The following MAPRE1 variants were observed in gnomAD, a reference collection of about 807,000 sequenced individuals.
The protein encoded by MAPRE1 is microtubule-associated protein RP/EB family member 1.
A neutral mutation model predicts 32.1 loss-of-function variants in MAPRE1; 5 were observed. The ratio of observed to expected loss-of-function variants is 0.16; its 90% CI spans 0.08 to 0.33. The LOEUF (loss-of-function observed/expected upper bound fraction) is 0.33. Ranked by LOEUF, MAPRE1 falls within the 10% of genes least tolerant of loss-of-function variation. The probability of loss-of-function intolerance (pLI) is 1.00; values close to 1 mark genes in which losing one functional copy is unlikely to be tolerated. For synonymous variants in MAPRE1, 122 were observed against 118.9 expected (o/e 1.03, Z -0.17); for missense variants, 209 against 327.2 (o/e 0.64, Z 2.79).
intron 2 of MAPRE1, among the ~76,000 whole-genome samples, chr20:32,831,255 G>A (rs546998811): frequency 3.9e-4 from 59 of 152,158 alleles, no homozygotes; most frequent in Non-Finnish European, 4.7e-4. Context: ...ATCAGCCTGG[G>A]CAACATGACA....
intron 1 of MAPRE1, among the ~76,000 whole-genome samples, chr20:32,821,804 G>A (rs2146118780): frequency 6.6e-6 from 1 of 152,276 alleles, no homozygotes; most frequent in East Asian, 1.9e-4. Flanking sequence ...TTGGGATCTT[G>A]CTAGGAGAGC....
intron 5 of MAPRE1, among the ~76,000 whole-genome samples, chr20:32,844,469 T>TTTTTC (rs1983450131): frequency 7.1e-6 from 1 of 139,946 alleles, no homozygotes; most frequent in Non-Finnish European, 1.5e-5. Flanking sequence ...TTTTTTTTTT[T>TTTTTC]TGTGGCGTGA....
At chr20:32,820,274 G>C (rs1272737398) in intron 1 of MAPRE1, among the ~76,000 whole-genome samples, 1 of 152,020 alleles carries the variant, frequency 6.6e-6, no homozygotes, top group Admixed American at 6.5e-5. Flanking sequence ...ACGCGGGGTG[G>C]GGGTTTCTGG....
At chr20:32,845,572 TCTC>T (rs1183568086) in intron 5 of MAPRE1, among the ~76,000 whole-genome samples, 1 of 152,172 alleles carries the variant, frequency 6.6e-6, no homozygotes, top group Non-Finnish European at 1.5e-5. Flanking sequence ...TGAGACTTGA[TCTC>T]CTCTGTTGTG....
At chr20:32,843,373 C>A (rs1371964148) in intron 5 of MAPRE1, 2 of 152,122 alleles carry the variant, frequency 1.3e-5, no homozygotes, top group Non-Finnish European at 2.9e-5. Flanking sequence ...CTTGGGAGAT[C>A]TGCAAAGATT....
intron 6 of MAPRE1, among the ~76,000 whole-genome samples, chr20:32,847,544 G>A (rs992885521): frequency 2.6e-5 from 4 of 152,090 alleles, no homozygotes; most frequent in East Asian, 1.9e-4. Context: ...GAATTTCAGG[G>A]GATTAAGACA....
chr20:32,841,694 A>G (rs1983368833), intron 5 of MAPRE1, among the ~76,000 whole-genome samples: 1 of 135,350 alleles, frequency 7.4e-6, no homozygotes, highest in Non-Finnish European at 1.5e-5. Flanking sequence ...CTCAGCTCTT[A>G]TCCTGGGTGA....
chr20:32,848,007 C>T (rs1293263588), intron 6 of MAPRE1, among the ~76,000 whole-genome samples: 1 of 151,810 alleles, frequency 6.6e-6, no homozygotes, highest in East Asian at 1.9e-4. Flanking sequence ...TGTTAGAGTA[C>T]TGAACTTTAC....
rs767624644 is a variant in MAPRE1, at chr20:32,839,722, C to T, written c.476-13C>T. 6 of 1,612,942 alleles carry T rather than the reference C, an allele frequency of 3.7e-6. No individual in the cohort carries two copies. Among genetic ancestry groups the T allele is most frequent in the Non-Finnish European group, 5.1e-6 (6 of 1,179,656 alleles). ...AATTACTCCTTTTCAAAAACCTGTG[C>T]TCTCTTTTTCAGCTCCCCAGAGGCC... On this transcript the variant is annotated splice_polypyrimidine_tract_variant and intron_variant, in intron 4 of 6. Transcript: ENST00000375571.
chr20:32,848,155 G>T (rs1012731110), intron 6 of MAPRE1, among the ~76,000 whole-genome samples: 2 of 151,574 alleles, frequency 1.3e-5, no homozygotes, highest in Non-Finnish European at 1.5e-5. Flanking sequence ...AAGCAGTCCT[G>T]CCTCGACCCC....
Position 32,848,940 on chromosome 20 carries a change from A to G in MAPRE1, c.*212A>G, listed in dbSNP as rs933836404. On this transcript the variant is annotated 3_prime_UTR_variant, in exon 7 of 7. Transcript: ENST00000375571. ...TACCTTGTAGCAGAGCAGTATTAAC[A>G]CCTAGTTGGTTCACCTGGAAAACAG... 8.9e-6 allele frequency: 4 copies of G among 451,120 alleles called. No individual in the cohort carries two copies. The highest frequency in any genetic ancestry group is 6.0e-5 in the African/African-American group (3 of 50,268). The allele number at this position is 451,120 out of a possible 1,614,324, so 27.9% of individuals were successfully genotyped here. A position where few individuals can be genotyped will look rare whatever the true frequency, so the allele number is the denominator to read the frequency against.
chr20:32,841,423 TTC>T (rs1199862646), intron 5 of MAPRE1, among the ~76,000 whole-genome samples: 2 of 150,790 alleles, frequency 1.3e-5, no homozygotes, highest in African/African-American at 4.9e-5. Flanking sequence ...GCGTGCCAGG[TTC>T]TGCAGTGTGG....
At chr20:32,844,349 A>G (rs1983444407) in intron 5 of MAPRE1, among the ~76,000 whole-genome samples, 1 of 146,312 alleles carries the variant, frequency 6.8e-6, no homozygotes. Context: ...TTTGGCCTTG[A>G]TAATTTGTTG....
intron 6 of MAPRE1, 93 bp from the exon 7 acceptor site, chr20:32,848,579 C>G (rs190649096): frequency 0.012 from 11,288 of 914,446 alleles, 112 homozygotes; most frequent in South Asian, 0.025. Flanking sequence ...CAGGAAGAAC[C>G]ATTGTTTTTA....
chr20:32,829,049 G>T lies in MAPRE1; in HGVS notation c.121+3001G>T, dbSNP rs1324356489. On this transcript the variant is annotated intron_variant, in intron 2 of 6. Coordinates refer to ENST00000375571, the MANE Select transcript of MAPRE1 (RefSeq NM_012325.3). ...GATTCTCCTGCCTCAGACTCCTGAG[G>T]AGCTGGGATTACAGGTGCGTGCCAC... Among the ~76,000 whole-genome samples the T allele has an allele frequency of 2.0e-5, 3 of 151,874 alleles. No homozygotes were observed. The East Asian group carries it at 5.8e-4, about 29-fold the overall frequency.
At chr20:32,836,550 C>A (rs1476434894) in intron 3 of MAPRE1, 84 bp from the exon 4 acceptor site, 2 of 777,122 alleles carry the variant, frequency 2.6e-6, no homozygotes, top group Non-Finnish European at 4.3e-6. Context: ...TTTGGCAGAG[C>A]TTTATAATGA....
At chr20:32,822,264 A>G (rs1441293394) in intron 1 of MAPRE1, among the ~76,000 whole-genome samples, 2 of 152,162 alleles carry the variant, frequency 1.3e-5, no homozygotes, top group African/African-American at 2.4e-5. Flanking sequence ...TGTCGCCATA[A>G]TAGATTACAA....
Position 32,846,784 on chromosome 20 carries a change from A to C in MAPRE1, c.750+14A>C. ...TATGCCACAGATGTATGTGTTTGACATGAGGATATTTTCTTTCCATTTTAC... is the reference window on the plus strand; with the variant it reads ...TATGCCACAGATGTATGTGTTTGACCTGAGGATATTTTCTTTCCATTTTAC... On this transcript the variant is annotated intron_variant, in intron 6 of 6. Transcript: ENST00000375571. The C allele has an allele frequency of 1.2e-6, 2 of 1,613,542 alleles. No homozygotes were observed. The highest frequency in any genetic ancestry group is 1.7e-6 in the Non-Finnish European group (2 of 1,179,508).
At position 32,836,640 on chromosome 20, in the gene MAPRE1, C is replaced by G; in HGVS notation, c.274C>G (p.Pro92Ala). 6.2e-7 allele frequency: 1 copy of G among 1,603,550 alleles called. No homozygotes were observed. Among genetic ancestry groups the G allele is most frequent in the Non-Finnish European group, 8.5e-7 (1 of 1,171,012 alleles). ...FKRMGVDKII[P>A]VDKLVKGKFQ... ...CAGTTGTTTTTCTCTGCAGATAATT[C>G]CTGTGGACAAATTAGTAAAAGGAAA... is the stretch of plus-strand genomic sequence containing the variant. Residue 92 changes from proline to alanine, a missense_variant, in exon 4 of 7, where the codon CCT becomes GCT. This residue lies in a region of MAPRE1 where 67 missense variants were observed against 140.0 expected (regional missense o/e 0.48). Transcript: ENST00000375571.
Sources: allele counts gnomAD v4.1 joint callset (sites outside exome capture counted in the v4.1 genomes callset), GRCh38; gene constraint gnomAD v4.1.1; regional missense constraint gnomAD v4.1.1; transcripts MANE v1.5; gene names NCBI Gene and HGNC (gene_info 2026-07-23, HGNC 2026-07-21).